The following ABCC6 variants were observed in gnomAD, a reference collection of about 807,000 sequenced individuals.
The protein encoded by ABCC6 is ATP binding cassette subfamily C member 6.
ABCC6 carries 126 observed loss-of-function variants against 169.5 expected under a neutral mutation model. The ratio of observed to expected loss-of-function variants is 0.74; its 90% confidence interval spans 0.64 to 0.86. The LOEUF (loss-of-function observed/expected upper bound fraction) is 0.86. ABCC6 is among the 40% of genes least tolerant of loss of function. The probability of loss-of-function intolerance (pLI) is 0.00; values close to 1 mark genes in which losing one functional copy is unlikely to be tolerated. For synonymous variants in ABCC6, 752 were observed against 814.7 expected (o/e 0.92, Z 1.31); for missense variants, 1,733 against 1,927.2 (o/e 0.90, Z 1.89).
intron 15 of ABCC6, chr16:16,184,144 A>G (rs1353904755): frequency 3.5e-5 from 6 of 173,266 alleles, no homozygotes; most frequent in Non-Finnish European, 6.0e-5. Flanking sequence ...GGTTGCAGTG[A>G]GCCGAGATCA....
intron 9 of ABCC6, among the ~76,000 whole-genome samples, chr16:16,200,969 GT>G (rs1214419554): frequency 1.6e-4 from 24 of 148,314 alleles, no homozygotes; most frequent in Admixed American, 1.1e-3. Context: ...TTTTTGTTTT[GT>G]TTTTTTTTTG....
chr16:16,210,482 G>A (rs376096060), intron 6 of ABCC6, among the ~76,000 whole-genome samples: 20 of 152,322 alleles, frequency 1.3e-4, no homozygotes, highest in African/African-American at 3.8e-4. Flanking sequence ...GGAAGCAACC[G>A]TTCTGACATA....
At chr16:16,173,839 A>C (rs1277615271) in intron 20 of ABCC6, among the ~76,000 whole-genome samples, 3 of 151,986 alleles carry the variant, frequency 2.0e-5, no homozygotes, top group African/African-American at 7.2e-5. Flanking sequence ...TGTTCTCAGA[A>C]TTTTTATTTT....
At chr16:16,162,909 C>T (rs942051166) in intron 24 of ABCC6, 84 bp downstream of exon 24, 55 of 1,571,698 alleles carry the variant, frequency 3.5e-5, no homozygotes, top group Non-Finnish European at 4.3e-5. Flanking sequence ...TGGGTGACCT[C>T]TCTACCATAC....
intron 9 of ABCC6, among the ~76,000 whole-genome samples, chr16:16,198,836 A>G (rs2048143369): frequency 1.3e-5 from 2 of 151,782 alleles, no homozygotes; most frequent in Non-Finnish European, 2.9e-5. Context: ...TCTACCAAAA[A>G]TACAAAAATT....
intron 25 of ABCC6, 57 bp from the exon 26 acceptor site, chr16:16,159,640 C>T: frequency 1.3e-6 from 2 of 1,524,580 alleles, no homozygotes; most frequent in African/African-American, 2.7e-5. Flanking sequence ...GGGCTTGCAA[C>T]AGCCCCCCTG....
At chr16:16,196,900 C>A (rs1392062396) in intron 10 of ABCC6, among the ~76,000 whole-genome samples, 1 of 151,964 alleles carries the variant, frequency 6.6e-6, no homozygotes, top group African/African-American at 2.4e-5. Flanking sequence ...ACGGGGTTGG[C>A]CAGGCTGGTC....
rs531561965 is a variant in ABCC6 at position 16,207,233 on chromosome 16, T to G, written c.794+1495A>C. Among the ~76,000 whole-genome samples the G allele has an allele frequency of 4.3e-3, 648 of 152,378 alleles. 4 individuals carry two copies. Among genetic ancestry groups the G allele is most frequent in the African/African-American group, 0.014 (586 of 41,588 alleles). On this transcript the variant is annotated intron_variant, in intron 7 of 30. Transcript: ENST00000205557. ...TGTGGGAACAGCCCCTACCCACTTCTGTGGCTCTGAAGGGACCACCAGTCA... is the reference window on the plus strand; with the variant it reads ...TGTGGGAACAGCCCCTACCCACTTCGGTGGCTCTGAAGGGACCACCAGTCA...
At chr16:16,201,028 G>C (rs533712851) in intron 9 of ABCC6, among the ~76,000 whole-genome samples, 1 of 152,064 alleles carries the variant, frequency 6.6e-6, no homozygotes, top group African/African-American at 2.4e-5. Context: ...CTGTAGTGGC[G>C]TGATCTCAGT....
chr16:16,169,938 A>G, intron 21 of ABCC6, 85 bp from the exon 22 acceptor site: 1 of 1,373,996 alleles, frequency 7.3e-7, no homozygotes, highest in Non-Finnish European at 1.0e-6. Context: ...AGGCTCCCAG[A>G]AAACATGCCC....
At chr16:16,200,169 T>C (rs540145289) in intron 9 of ABCC6, among the ~76,000 whole-genome samples, 89 of 150,066 alleles carry the variant, frequency 5.9e-4, no homozygotes, top group African/African-American at 2.0e-3. Flanking sequence ...CGTTGGCTCA[T>C]GTCTGTAATC....
chr16:16,194,397 G>A lies in ABCC6; in HGVS notation c.1339-1475C>T, dbSNP rs11643423. Reference sequence around the variant, plus strand: ...GGGACATACACTGAGAAATTCTTCCGTTTGTCTGAAACTCACACTTCACTG... The same window carrying A: ...GGGACATACACTGAGAAATTCTTCCATTTGTCTGAAACTCACACTTCACTG... On this transcript the variant is annotated intron_variant, in intron 10 of 30. Coordinates refer to ENST00000205557, the MANE Select transcript of ABCC6 (RefSeq NM_001171.6). Among the ~76,000 whole-genome samples, 19 of 152,162 alleles carry A rather than the reference G, an allele frequency of 1.2e-4. No homozygotes were observed. The South Asian group carries it at 3.3e-3, about 27-fold the overall frequency.
chr16:16,150,345 C>T (rs1003228558), intron 30 of ABCC6, 104 bp from the exon 31 acceptor site: 1 of 1,570,500 alleles, frequency 6.4e-7, no homozygotes, highest in African/African-American at 1.3e-5. Context: ...CCATAGAAGT[C>T]CTGCTTTCCA....
In ABCC6 at chr16:16,150,256, G is replaced by C; in HGVS notation, c.4404-15C>G. On this transcript the variant is annotated splice_polypyrimidine_tract_variant and intron_variant, in intron 30 of 30. Transcript: ENST00000205557. The stretch of plus-strand genomic sequence containing the variant: ...TGACCAGAACCCTGTGGGGGAGAGG[G>C]AGACAGAGAGGCTCTTTGGACACCA... 6.2e-7 allele frequency: 1 copy of C among 1,613,830 alleles called. No homozygotes were observed. The highest frequency in any genetic ancestry group is 8.5e-7 in the Non-Finnish European group (1 of 1,179,954).
Position 16,149,657 on chromosome 16 carries a change from A to G in ABCC6, c.*476T>C, listed in dbSNP as rs1010979222. On this transcript the variant is annotated 3_prime_UTR_variant, in exon 31 of 31. Coordinates refer to ENST00000205557, the MANE Select transcript of ABCC6 (RefSeq NM_001171.6). ...TCCTAGAGTTTTGCAAGATGTTACCATTGGGTGAAATGGGGTACCAAGTAC... is the reference window on the plus strand; with the variant it reads ...TCCTAGAGTTTTGCAAGATGTTACCGTTGGGTGAAATGGGGTACCAAGTAC... 2.5e-5 allele frequency: 7 copies of G among 281,692 alleles called. No homozygotes were observed. The highest frequency in any genetic ancestry group is 4.1e-5 in the Non-Finnish European group (6 of 146,882). The allele number at this position is 281,692 out of a possible 1,614,324, so 17.4% of individuals were successfully genotyped here. A position where few individuals can be genotyped will look rare whatever the true frequency, so the allele number is the denominator to read the frequency against.
chr16:16,184,025 C>G, intron 15 of ABCC6: 1 of 159,768 alleles, frequency 6.3e-6, no homozygotes, highest in Middle Eastern at 3.1e-3. Flanking sequence ...CATGGTAAAA[C>G]CCATCTCTAC....
rs1306344898 is a variant in ABCC6, at chr16:16,188,966, C to T, written c.1644G>A (p.Leu548=). 3 of 1,613,976 alleles carry T rather than the reference C, an allele frequency of 1.9e-6. No individual in the cohort carries two copies. Among genetic ancestry groups the T allele is most frequent in the African/African-American group, 1.3e-5 (1 of 75,046 alleles). The change falls in exon 13 of 31, where the codon CTG becomes CTA. Residue 548 remains leucine, a synonymous_variant. Coordinates refer to ENST00000205557, the MANE Select transcript of ABCC6 (RefSeq NM_001171.6). ...SFQVSTFLVA[L]VVFAVHTLVA... is the part of the protein sequence containing the mutation. ...CCAGAGTGTGGACAGCAAACACCAC[C>T]AGTGCGACCTGGGGGGTGGGGGGGA...
chr16:16,171,085 C>G (rs1294481732), intron 21 of ABCC6, among the ~76,000 whole-genome samples: 1 of 152,216 alleles, frequency 6.6e-6, no homozygotes, highest in East Asian at 1.9e-4. Context: ...GCTGCTCTCT[C>G]TGCCTGGAGC....
At chr16:16,177,023 T>C (rs1357366159) in intron 19 of ABCC6, among the ~76,000 whole-genome samples, 1 of 152,174 alleles carries the variant, frequency 6.6e-6, no homozygotes, top group Non-Finnish European at 1.5e-5. Flanking sequence ...GCTAGCATGG[T>C]GTAGCTTGCT....
Sources: allele counts gnomAD v4.1 joint callset (sites outside exome capture counted in the v4.1 genomes callset), GRCh38; gene constraint gnomAD v4.1.1; transcripts MANE v1.5; gene names NCBI Gene and HGNC (gene_info 2026-07-23, HGNC 2026-07-21).